The following NEURL1B variants were observed in gnomAD, a reference collection of about 807,000 sequenced individuals.
NEURL1B encodes the protein neuralized E3 ubiquitin protein ligase 1B, also known as E3 ubiquitin-protein ligase NEURL1B.
A neutral mutation model predicts 37.4 loss-of-function variants in NEURL1B; 13 were observed. The ratio of observed to expected loss-of-function variants is 0.35; its 90% CI spans 0.23 to 0.55. The LOEUF is 0.55. Ranked by LOEUF, NEURL1B falls within the 20% of genes least tolerant of loss-of-function variation. The pLI is 0.89. For missense variants in NEURL1B, 790 were observed against 879.2 expected (o/e 0.90, Z 1.28); for synonymous variants, 432 against 426.6 (o/e 1.01, Z -0.16).
Position 172,683,460 on chromosome 5 carries a change from C to G in NEURL1B, c.619C>G (p.Gln207Glu). 1 of 1,472,296 alleles carries G rather than the reference C, an allele frequency of 6.8e-7. No individual in the cohort carries two copies. 91.2% of individuals were successfully genotyped at this position (1,472,296 alleles called of 1,614,324 possible). ...ADTLTPARLSQARFSACLPPS... is the reference protein window; with the variant it reads ...ADTLTPARLSEARFSACLPPS... ...CACGCTGACGCCCGCGCGCCTCAGCCAGGCCCGCTTCAGCGCCTGCCTGCC... is the reference window on the plus strand; with the variant it reads ...CACGCTGACGCCCGCGCGCCTCAGCGAGGCCCGCTTCAGCGCCTGCCTGCC... Residue 207 changes from glutamine to glutamate, a missense_variant, in exon 3 of 5, where the codon CAG (glutamine) becomes GAG (glutamate). Coordinates refer to ENST00000369800, the MANE Select transcript of NEURL1B (RefSeq NM_001142651.3). The surrounding 1 kb of genome is among the most constrained non-coding windows in gnomAD (Gnocchi z 5.6).
chr5:172,656,636 A>G, intron 1 of NEURL1B: 1 of 1,605,256 alleles, frequency 6.2e-7, no homozygotes. Context: ...TGAAAGCCTT[A>G]TCTTCCTCGT....
rs938158809 is a variant in NEURL1B at position 172,665,896 on chromosome 5, G to A, written c.32-3889G>A. On this transcript the variant is annotated intron_variant, in intron 1 of 4. Coordinates refer to ENST00000369800, the MANE Select transcript of NEURL1B (RefSeq NM_001142651.3). This position sits in a 1 kb window ranked among gnomAD's most constrained non-coding sequence, Gnocchi z 4.1. The stretch of plus-strand genomic sequence containing the variant: ...GTTGTCGTTGGGCATTCAGCTGTGT[G>A]TCTGCTTGACCTGGAGAGACTCAGA... 6.6e-6 allele frequency among the ~76,000 whole-genome samples: 1 copy of A among 152,048 alleles called. No individual in the cohort carries two copies. Among genetic ancestry groups the A allele is most frequent in the African/African-American group, 2.4e-5 (1 of 41,380 alleles).
chr5:172,658,167 G>T (rs536988924), intron 1 of NEURL1B, among the ~76,000 whole-genome samples: 17 of 152,298 alleles, frequency 1.1e-4, no homozygotes, highest in African/African-American at 4.1e-4. Flanking sequence ...CTTGGTGGTA[G>T]TGGTCCCCCG....
In NEURL1B at chr5:172,641,525, G is replaced by C. The variant is rs577910874; in HGVS notation, c.31+88G>C. On this transcript the variant is annotated intron_variant, in intron 1 of 4. Coordinates refer to ENST00000369800, the MANE Select transcript of NEURL1B (RefSeq NM_001142651.3). This position sits in a 1 kb window ranked among gnomAD's most constrained non-coding sequence, Gnocchi z 6.4. ...GGGTGACTCTGGAGAGCTACCCCAC[G>C]GCCCTTGGAGCCCTCGGCTCGCAGC... is the stretch of plus-strand genomic sequence containing the variant. 5 of 1,105,866 alleles carry C rather than the reference G, an allele frequency of 4.5e-6. No homozygotes were observed. The East Asian group carries it at 1.6e-4, about 36-fold the overall frequency. The allele number at this position is 1,105,866 out of a possible 1,614,324, so 68.5% of individuals were successfully genotyped here. A position where few individuals can be genotyped will look rare whatever the true frequency, so the allele number is the denominator to read the frequency against.
At chr5:172,670,411 G>A (rs569459933) in intron 2 of NEURL1B, 81 bp downstream of exon 2, 1 of 1,156,978 alleles carries the variant, frequency 8.6e-7, no homozygotes, top group Admixed American at 4.0e-5. Context: ...AGTAGCCACA[G>A]TCACTTATGG....
At chr5:172,662,004 C>T (rs182227239) in intron 1 of NEURL1B, among the ~76,000 whole-genome samples, 48 of 152,312 alleles carry the variant, frequency 3.2e-4, no homozygotes, top group Admixed American at 1.0e-3. Context: ...GAGCCCTACA[C>T]GGGAGAAAAA....
rs1245965760 is a variant in NEURL1B, at chr5:172,686,863, C to T, written c.1606C>T (p.Arg536Trp). The T allele has an allele frequency of 2.6e-6, 4 of 1,550,596 alleles. No individual in the cohort carries two copies. Among genetic ancestry groups the T allele is most frequent in the Non-Finnish European group, 3.5e-6 (4 of 1,146,770 alleles). ...SCGLRLKRQARACCPICRRPI... is the reference protein window; with the variant it reads ...SCGLRLKRQAWACCPICRRPI... ...CGGCCTGCGGCTCAAGCGACAGGCC[C>T]GGGCCTGCTGCCCCATCTGCCGGCG... Residue 536 changes from arginine to tryptophan, a missense_variant, in exon 5 of 5, where the codon CGG becomes TGG. By Grantham distance (101) the Arg-to-Trp change is moderately radical. Around this residue, in one of 3 missense-constraint regions of NEURL1B, gnomAD observed 115 missense variants for 162.6 expected, o/e 0.71. Transcript: ENST00000369800. The surrounding 1 kb of genome is among the most constrained non-coding windows in gnomAD (Gnocchi z 7.9).
intron 2 of NEURL1B, among the ~76,000 whole-genome samples, chr5:172,672,546 C>CCT (rs1554098440): frequency 6.8e-6 from 1 of 147,384 alleles, no homozygotes; most frequent in Non-Finnish European, 1.5e-5. Context: ...ACTCTCCCCC[C>CCT]CCCACTCTAT....
chr5:172,644,773 T>C (rs1025266371), intron 1 of NEURL1B, among the ~76,000 whole-genome samples: 1 of 152,218 alleles, frequency 6.6e-6, no homozygotes, highest in Admixed American at 6.5e-5. Context: ...TCATACCATG[T>C]AGTCCTTCTC....
At position 172,686,295 on chromosome 5, in the gene NEURL1B, G is replaced by A. The variant is rs1310969706; in HGVS notation, c.1422G>A (p.Leu474=). 6.4e-7 allele frequency: 1 copy of A among 1,551,520 alleles called. No individual in the cohort carries two copies. Among genetic ancestry groups the A allele is most frequent in the Admixed American group, 2.0e-5 (1 of 50,970 alleles). The change falls in exon 4 of 5, where the codon CTG becomes CTA. Residue 474 remains leucine, a splice_region_variant and synonymous_variant. Transcript: ENST00000369800. The surrounding 1 kb of genome is among the most constrained non-coding windows in gnomAD (Gnocchi z 7.9). ...CCTCCTCGGCATCTGAGTCATCCCT[G>A]GGTAAGGAAATGCAAACCCTGGCAG... ...NQSSSASESS[L]VTAPSSPLSP...
In NEURL1B at chr5:172,655,975, G is replaced by C. The variant is rs775826844; in HGVS notation, c.32-13810G>C. 9.2e-5 allele frequency among the ~76,000 whole-genome samples: 14 copies of C among 152,196 alleles called. 1 individual carries two copies. Among genetic ancestry groups the C allele is most frequent in the Non-Finnish European group, 1.5e-4 (10 of 68,036 alleles). On this transcript the variant is annotated intron_variant, in intron 1 of 4. Coordinates refer to ENST00000369800, the MANE Select transcript of NEURL1B (RefSeq NM_001142651.3). ...TTCTTTTTAATTCTCAGCAAGGCAAGTTACTTCATAGAAGGGTACATCCTT... is the reference window on the plus strand; with the variant it reads ...TTCTTTTTAATTCTCAGCAAGGCAACTTACTTCATAGAAGGGTACATCCTT...
intron 1 of NEURL1B, among the ~76,000 whole-genome samples, chr5:172,652,169 T>C (rs1757677455): frequency 6.6e-6 from 1 of 152,242 alleles, no homozygotes; most frequent in Admixed American, 6.5e-5. Flanking sequence ...AGATGGAAGC[T>C]GGATGGCCCT....
At chr5:172,655,223 T>G (rs1208199025) in intron 1 of NEURL1B, among the ~76,000 whole-genome samples, 3 of 152,124 alleles carry the variant, frequency 2.0e-5, no homozygotes, top group African/African-American at 7.2e-5. Context: ...TGTCTCGCCT[T>G]GCCTGTCCCG....
intron 2 of NEURL1B, among the ~76,000 whole-genome samples, chr5:172,671,389 G>T (rs1758127135): frequency 6.6e-6 from 1 of 152,184 alleles, no homozygotes; most frequent in African/African-American, 2.4e-5. Flanking sequence ...GAAATGCATG[G>T]ATCTAAAGGT....
At chr5:172,658,522 G>A (rs956886567) in intron 1 of NEURL1B, among the ~76,000 whole-genome samples, 3 of 152,194 alleles carry the variant, frequency 2.0e-5, no homozygotes, top group African/African-American at 4.8e-5. Flanking sequence ...CCTCAGAGCC[G>A]AGTGTGGCTG....
intron 2 of NEURL1B, among the ~76,000 whole-genome samples, chr5:172,682,307 A>T (rs980503313): frequency 8.5e-5 from 13 of 152,178 alleles, no homozygotes; most frequent in African/African-American, 2.9e-4. Flanking sequence ...GGGCGTGCTG[A>T]CTCACGCCTA....
chr5:172,643,950 C>T (rs2113249560), intron 1 of NEURL1B, among the ~76,000 whole-genome samples: 1 of 152,000 alleles, frequency 6.6e-6, no homozygotes, highest in Middle Eastern at 3.4e-3. Flanking sequence ...CCCCATGGCT[C>T]CCACCAGGCT....
rs1758417807 is a variant in NEURL1B at position 172,683,765 on chromosome 5, C to A, written c.924C>A (p.Arg308=). 1.5e-6 allele frequency: 2 copies of A among 1,309,186 alleles called. No individual in the cohort carries two copies. The highest frequency in any genetic ancestry group is 2.0e-6 in the Non-Finnish European group (2 of 1,024,234). The allele number at this position is 1,309,186 out of a possible 1,614,324, so 81.1% of individuals were successfully genotyped here. ...VACAPRPDGG[R]TLVFSERPLR... ...GCGCACCGCGGCCCGACGGCGGCCG[C>A]ACGCTGGTCTTCTCCGAGCGCCCGC... is the stretch of plus-strand genomic sequence containing the variant. The change falls in exon 3 of 5, where the codon CGC becomes CGA. Residue 308 remains arginine, a synonymous_variant. Coordinates refer to ENST00000369800, the MANE Select transcript of NEURL1B (RefSeq NM_001142651.3). The surrounding 1 kb of genome is among the most constrained non-coding windows in gnomAD (Gnocchi z 5.6).
rs1371606660 is a variant in NEURL1B, at chr5:172,647,454, G to T, written c.31+6017G>T. Among the ~76,000 whole-genome samples the T allele has an allele frequency of 6.6e-6, 1 of 152,070 alleles. No individual in the cohort carries two copies. Among genetic ancestry groups the T allele is most frequent in the Non-Finnish European group, 1.5e-5 (1 of 68,000 alleles). ...TCAGAGGGGTAGTGAGACCTGCCCG[G>T]CCCAGGTGGCCAGGAAGTGGCAGAG... On this transcript the variant is annotated intron_variant, in intron 1 of 4. Coordinates refer to ENST00000369800, the MANE Select transcript of NEURL1B (RefSeq NM_001142651.3). The surrounding 1 kb of genome is among the most constrained non-coding windows in gnomAD (Gnocchi z 4.2).
Sources: gnomAD v4.1 joint callset for allele counts (sites outside exome capture counted in the v4.1 genomes callset) on GRCh38, gnomAD v4.1.1 for gene constraint, gnomAD v4.1.1 regional missense constraint, Gnocchi (gnomAD v3.1) non-coding constraint, MANE v1.5 for transcripts, NCBI Gene and HGNC (gene_info 2026-07-23, HGNC 2026-07-21) for gene names.